FXYD2: variants seen among roughly 807,000 people sequenced by gnomAD.
FXYD2 encodes the protein FXYD domain containing ion transport regulator 2.
In FXYD2, 8 loss-of-function variants were observed where a neutral mutation model predicts 11.8. That is an observed-to-expected ratio of 0.68 (90% CI 0.40 to 1.22). FXYD2 has a LOEUF of 1.22. FXYD2 is among the 50% of genes most tolerant of loss of function. The probability of loss-of-function intolerance (pLI) is 0.01; values close to 1 mark genes in which losing one functional copy is unlikely to be tolerated. For missense variants in FXYD2, 92 were observed against 91.8 expected (o/e 1.00, Z -0.01); for synonymous variants, 42 against 33.3 (o/e 1.26, Z -0.90).
chr11:117,821,674 T>C, intron 3 of FXYD2: 1 of 961,754 alleles, frequency 1.0e-6, no homozygotes, highest in Non-Finnish European at 1.2e-6. Context: ...TGCAGGACTG[T>C]GGCCCGAGCC....
Position 117,824,360 on chromosome 11 carries a change from G to A in FXYD2, c.25+294C>T. 1 of 552,600 alleles carries A rather than the reference G, an allele frequency of 1.8e-6. No homozygotes were observed. The highest frequency in any genetic ancestry group is 2.0e-5 in the South Asian group (1 of 49,490). The allele number at this position is 552,600 out of a possible 1,614,324, so 34.2% of individuals were successfully genotyped here. A position where few individuals can be genotyped will look rare whatever the true frequency, so the allele number is the denominator to read the frequency against. On this transcript the variant is annotated intron_variant, in intron 1 of 5. Transcript: ENST00000292079. The surrounding 1 kb of genome is among the most constrained non-coding windows in gnomAD (Gnocchi z 4.0). ...CCAAGTTCAGACGGTCTAGCAAGAT[G>A]CATTGAACTCAGGGCGGGTGTGTGC...
chr11:117,822,154 C>T lies in FXYD2; in HGVS notation c.139+252G>A, dbSNP rs576470112. ...TGGCCCTCCGGTTACCCAGTTACCC[C>T]GTGGGTTTGCTCTCACTTCTGCGGC... On this transcript the variant is annotated intron_variant, in intron 3 of 5. Transcript: ENST00000292079. The surrounding 1 kb of genome is among the most constrained non-coding windows in gnomAD (Gnocchi z 4.7). The T allele has an allele frequency of 8.5e-6, 12 of 1,408,676 alleles. No homozygotes were observed. Among genetic ancestry groups the T allele is most frequent in the Admixed American group, 5.6e-5 (2 of 35,656 alleles). The allele number at this position is 1,408,676 out of a possible 1,614,324, so 87.3% of individuals were successfully genotyped here. A position where few individuals can be genotyped will look rare whatever the true frequency, so the allele number is the denominator to read the frequency against.
rs1270197148 is a variant in FXYD2 at position 117,820,295 on chromosome 11, G to A, written c.*84C>T. ...CGGGGACAAAGGTCTAAAGCCCAGGGAAGAAGGGGAGGCGCCAGAGGCAGG... is the reference window on the plus strand; with the variant it reads ...CGGGGACAAAGGTCTAAAGCCCAGGAAAGAAGGGGAGGCGCCAGAGGCAGG... On this transcript the variant is annotated 3_prime_UTR_variant, in exon 6 of 6. Coordinates refer to ENST00000292079, the MANE Select transcript of FXYD2 (RefSeq NM_001680.5). 4 of 314,604 alleles carry A rather than the reference G, an allele frequency of 1.3e-5. No individual in the cohort carries two copies. The East Asian group carries it at 2.6e-4, about 20-fold the overall frequency. The allele number at this position is 314,604 out of a possible 1,614,324, so 19.5% of individuals were successfully genotyped here. A position where few individuals can be genotyped will look rare whatever the true frequency, so the allele number is the denominator to read the frequency against.
intron 4 of FXYD2, 47 bp downstream of exon 4, chr11:117,820,812 C>A (rs747313056): frequency 6.2e-7 from 1 of 1,613,820 alleles, no homozygotes; most frequent in Non-Finnish European, 8.5e-7. Flanking sequence ...CCCGCCCCTC[C>A]TTCTCCAGCC....
At chr11:117,826,822 A>ATCTATCTATCTATCTATCTC (rs751194466), upstream of FXYD2, among the ~76,000 whole-genome samples, 27 of 138,728 alleles carry the variant, frequency 1.9e-4, no homozygotes, top group South Asian at 1.5e-3. Flanking sequence ...CTATCTATCT[A>ATCTATCTATCTATCTATCTC]TCTGTCTATC....
intron 5 of FXYD2, 100 bp downstream of exon 5, chr11:117,820,566 T>G: frequency 6.6e-7 from 1 of 1,510,114 alleles, no homozygotes; most frequent in Non-Finnish European, 9.2e-7. Context: ...TGGACGACCC[T>G]AAAATTCTTA....
chr11:117,820,339 G>A lies in FXYD2; in HGVS notation c.*40C>T. The A allele has an allele frequency of 2.5e-6, 1 of 404,832 alleles. No homozygotes were observed. The highest frequency in any genetic ancestry group is 4.4e-6 in the Non-Finnish European group (1 of 226,058). The allele number at this position is 404,832 out of a possible 1,614,324, so 25.1% of individuals were successfully genotyped here. The stretch of plus-strand genomic sequence containing the variant: ...AGGCAGGGCCATGCTTGGCTTCCCA[G>A]CTGGCCCCAGTGCAGTGGGTGGCAC... On this transcript the variant is annotated 3_prime_UTR_variant, in exon 6 of 6. Transcript: ENST00000292079.
At position 117,820,283 on chromosome 11, in the gene FXYD2, C is replaced by CT; in HGVS notation, c.*95dup. 5 of 276,642 alleles carry CT rather than the reference C, an allele frequency of 1.8e-5. No individual in the cohort carries two copies. Among genetic ancestry groups the CT allele is most frequent in the Non-Finnish European group, 3.4e-5 (5 of 147,164 alleles). The allele number at this position is 276,642 out of a possible 1,614,324, so 17.1% of individuals were successfully genotyped here. A position where few individuals can be genotyped will look rare whatever the true frequency, so the allele number is the denominator to read the frequency against. ...CGCTGGCAGTGACGGGGACAAAGGTCTAAAGCCCAGGGAAGAAGGGGAGGC... is the reference window on the plus strand; with the variant it reads ...CGCTGGCAGTGACGGGGACAAAGGTCTTAAAGCCCAGGGAAGAAGGGGAGGC... On this transcript the variant is annotated 3_prime_UTR_variant, in exon 6 of 6. Transcript: ENST00000292079.
chr11:117,822,871 G>A lies in FXYD2; in HGVS notation c.26-154C>T, dbSNP rs2055943708. Among the ~76,000 whole-genome samples, 1 of 152,108 alleles carries A rather than the reference G, an allele frequency of 6.6e-6. No individual in the cohort carries two copies. The highest frequency in any genetic ancestry group is 1.5e-5 in the Non-Finnish European group (1 of 68,010). On this transcript the variant is annotated intron_variant, in intron 1 of 5. Transcript: ENST00000292079. This position sits in a 1 kb window ranked among gnomAD's most constrained non-coding sequence, Gnocchi z 4.7. ...GAGCAGGGGTGTTGCTAAAACCATT[G>A]CCAGCAGGCTTCTGCTCCAGGCGGC...
At position 117,820,702 on chromosome 11, in the gene FXYD2, G is replaced by T. The variant is rs778525146; in HGVS notation, c.177-6C>A. ...GCTCATCTTCATTGATTTGCCTGGTGGGGGAAGGAAAAGCAACAGGTGAGA... is the reference window on the plus strand; with the variant it reads ...GCTCATCTTCATTGATTTGCCTGGTTGGGGAAGGAAAAGCAACAGGTGAGA... On this transcript the variant is annotated splice_polypyrimidine_tract_variant and splice_region_variant and intron_variant, in intron 4 of 5. Transcript: ENST00000292079. The T allele has an allele frequency of 2.0e-5, 32 of 1,613,836 alleles. 1 individual carries two copies. In the Middle Eastern group the frequency reaches 8.2e-4, roughly 41 times the overall value.
At chr11:117,824,775 G>T (rs1234062515), upstream of FXYD2, 2 of 1,493,880 alleles carry the variant, frequency 1.3e-6, no homozygotes, top group Admixed American at 1.9e-5. This position sits in a 1 kb window ranked among gnomAD's most constrained non-coding sequence, Gnocchi z 4.0. Flanking sequence ...CGGGGACGAG[G>T]TGCGGGCATT....
At chr11:117,826,552 T>C (rs1013899282), upstream of FXYD2, among the ~76,000 whole-genome samples, 1 of 152,172 alleles carries the variant, frequency 6.6e-6, no homozygotes, top group East Asian at 1.9e-4. Flanking sequence ...AACACACAGT[T>C]AATGGCAAAC....
At chr11:117,821,970 C>A in intron 3 of FXYD2, 4 of 1,096,570 alleles carry the variant, frequency 3.6e-6, no homozygotes, top group Non-Finnish European at 4.5e-6. Context: ...TTGTCTCCCC[C>A]AGAACACTCC....
chr11:117,824,436 T>C lies in FXYD2; in HGVS notation c.25+218A>G. 1.6e-6 allele frequency: 1 copy of C among 629,622 alleles called. No homozygotes were observed. Among genetic ancestry groups the C allele is most frequent in the Non-Finnish European group, 2.9e-6 (1 of 348,578 alleles). The allele number at this position is 629,622 out of a possible 1,614,324, so 39.0% of individuals were successfully genotyped here. A position where few individuals can be genotyped will look rare whatever the true frequency, so the allele number is the denominator to read the frequency against. ...CTCTCCAGCTTCTATCTGCTGCCTT[T>C]CTGCCACTCAAGCTATCTTTCTTTG... On this transcript the variant is annotated intron_variant, in intron 1 of 5. Coordinates refer to ENST00000292079, the MANE Select transcript of FXYD2 (RefSeq NM_001680.5). This position sits in a 1 kb window ranked among gnomAD's most constrained non-coding sequence, Gnocchi z 4.0.
chr11:117,825,212 C>T (rs2056008958), upstream of FXYD2, among the ~76,000 whole-genome samples: 1 of 152,142 alleles, frequency 6.6e-6, no homozygotes, highest in South Asian at 2.1e-4. Flanking sequence ...CCACTGCTCC[C>T]CCACCACATC....
chr11:117,825,502 G>C (rs568213616), upstream of FXYD2, among the ~76,000 whole-genome samples: 14 of 152,100 alleles, frequency 9.2e-5, no homozygotes, highest in Non-Finnish European at 1.9e-4. Context: ...CTGCGTTTAT[G>C]GTTTACCAAG....
upstream of FXYD2, among the ~76,000 whole-genome samples, chr11:117,826,774 G>GTCTATCTATCTA (rs763303489): frequency 2.3e-4 from 21 of 93,246 alleles, no homozygotes; most frequent in Non-Finnish European, 3.3e-4. Context: ...CTGTCTGTCT[G>GTCTATCTATCTA]TCTGTCTATC....
At position 117,822,422 on chromosome 11, in the gene FXYD2, C is replaced by T; in HGVS notation, c.123G>A (p.Gly41=). 1 of 1,559,922 alleles carries T rather than the reference C, an allele frequency of 6.4e-7. No individual in the cohort carries two copies. The highest frequency in any genetic ancestry group is 8.7e-7 in the Non-Finnish European group (1 of 1,151,106). The part of the protein sequence containing the change: ...LIFAGLAFIV[G]LLILLSRRFR... ...CCCACTTACTGAGGAGGATGAGGAG[C>T]CCCACGATGAAGGCCAGTCCAGCGA... The change falls in exon 3 of 6, where the codon GGG becomes GGA. Residue 41 remains glycine, a synonymous_variant. Coordinates refer to ENST00000292079, the MANE Select transcript of FXYD2 (RefSeq NM_001680.5). The surrounding 1 kb of genome is among the most constrained non-coding windows in gnomAD (Gnocchi z 4.7).
Position 117,822,206 on chromosome 11 carries a change from C to T in FXYD2, c.139+200G>A. 2 of 1,470,014 alleles carry T rather than the reference C, an allele frequency of 1.4e-6. No individual in the cohort carries two copies. The highest frequency in any genetic ancestry group is 1.8e-6 in the Non-Finnish European group (2 of 1,109,582). The allele number at this position is 1,470,014 out of a possible 1,614,324, so 91.1% of individuals were successfully genotyped here. ...CCTCCCGGGCCCACTGGAGGGTGCA[C>T]TTGAGCAAGCAGGAACCTCACACTG... is the stretch of plus-strand genomic sequence containing the variant. On this transcript the variant is annotated intron_variant, in intron 3 of 5. Transcript: ENST00000292079. This position sits in a 1 kb window ranked among gnomAD's most constrained non-coding sequence, Gnocchi z 4.7.
Sources: allele counts gnomAD v4.1 joint callset (sites outside exome capture counted in the v4.1 genomes callset), GRCh38; gene constraint gnomAD v4.1.1; non-coding constraint Gnocchi (gnomAD v3.1); transcripts MANE v1.5; gene names NCBI Gene and HGNC (gene_info 2026-07-23, HGNC 2026-07-21).